Variants in ODAD3 observed in about 807,000 individuals in gnomAD.
The protein encoded by ODAD3 is outer dynein arm docking complex subunit 3.
In ODAD3, 57 loss-of-function variants were observed where a neutral mutation model predicts 70.9. That is an observed-to-expected ratio of 0.80 (90% CI 0.65 to 1.00). The LOEUF is 1.00. ODAD3 is among the 50% of genes least tolerant of loss of function. The pLI is 0.00. For missense variants in ODAD3, 797 were observed against 763.9 expected (o/e 1.04, Z -0.51); for synonymous variants, 327 against 315.9 (o/e 1.04, Z -0.37).
intron 12 of ODAD3, 88 bp downstream of exon 12, chr19:11,421,040 C>T: frequency 6.3e-7 from 1 of 1,582,034 alleles, no homozygotes; most frequent in Non-Finnish European, 8.7e-7. Context: ...TCCACCCCCA[C>T]CTTGGCCCTG....
intron 6 of ODAD3, 43 bp from the exon 7 acceptor site, chr19:11,426,309 C>T: frequency 6.2e-7 from 1 of 1,610,644 alleles, no homozygotes; most frequent in Non-Finnish European, 8.5e-7. Context: ...CTGGCACCTA[C>T]CACTGCCCGC....
At chr19:11,425,811 C>A (rs766280229) in intron 7 of ODAD3, among the ~76,000 whole-genome samples, 36 of 151,118 alleles carry the variant, frequency 2.4e-4, no homozygotes, top group Non-Finnish European at 4.3e-4. Context: ...GGGGCAGGGC[C>A]TTAGGCAACG....
chr19:11,420,661 G>A lies in ODAD3; in HGVS notation c.*174C>T, dbSNP rs945596088. On this transcript the variant is annotated 3_prime_UTR_variant, in exon 13 of 13. Transcript: ENST00000356392. ...AGGCCGGGGCGGACCCAGCTGGGGA[G>A]ATTTACTGTGGGAACGTCTGGCCCG... 56 of 611,090 alleles carry A rather than the reference G, an allele frequency of 9.2e-5. No individual in the cohort carries two copies. The Middle Eastern group carries it at 1.3e-3, about 14-fold the overall frequency. 37.9% of individuals were successfully genotyped at this position (611,090 alleles called of 1,614,324 possible). A position where few individuals can be genotyped will look rare whatever the true frequency, so the allele number is the denominator to read the frequency against.
chr19:11,433,058 T>G (rs891871628), intron 1 of ODAD3, among the ~76,000 whole-genome samples: 6 of 152,056 alleles, frequency 3.9e-5, no homozygotes, highest in African/African-American at 1.4e-4. Flanking sequence ...CCTCCCAAAG[T>G]GCTGGGATTA....
chr19:11,425,466 T>TACAC (rs1969327808), intron 7 of ODAD3, among the ~76,000 whole-genome samples: 14 of 120,024 alleles, frequency 1.2e-4, no homozygotes, highest in Admixed American at 1.7e-4. Context: ...TGTGTGTGTA[T>TACAC]ATATGTATAT....
chr19:11,420,888 A>C lies in ODAD3; in HGVS notation c.1735T>G (p.Ser579Ala), dbSNP rs1201342780. 1 of 1,613,192 alleles carries C rather than the reference A, an allele frequency of 6.2e-7. No individual in the cohort carries two copies. The change falls in exon 13 of 13, where the codon TCC (serine) becomes GCC (alanine). Residue 579 changes from serine (S) to alanine (A), a missense_variant. Coordinates refer to ENST00000356392, the MANE Select transcript of ODAD3 (RefSeq NM_145045.5). ...VVTRASLKIRSQKLIESHKKH... is the reference protein window; with the variant it reads ...VVTRASLKIRAQKLIESHKKH... Reference sequence around the variant, plus strand: ...TTGTGACTTTCGATTAATTTCTGGGAACGGATCTTGAGTGATGCGCGGGTC... The same window carrying C: ...TTGTGACTTTCGATTAATTTCTGGGCACGGATCTTGAGTGATGCGCGGGTC...
At chr19:11,430,330 G>A (rs2144779452) in intron 3 of ODAD3, among the ~76,000 whole-genome samples, 1 of 152,046 alleles carries the variant, frequency 6.6e-6, no homozygotes. Context: ...TAGAGACAGG[G>A]TTTCTCCATG....
intron 1 of ODAD3, among the ~76,000 whole-genome samples, chr19:11,433,591 T>C (rs1241229298): frequency 6.6e-6 from 1 of 152,196 alleles, no homozygotes; most frequent in East Asian, 1.9e-4. Context: ...GGACAACTAT[T>C]ATGCAGAGCC....
intron 7 of ODAD3, among the ~76,000 whole-genome samples, chr19:11,425,038 C>CATATGTGCATATATGTGT (rs1969260625): frequency 1.2e-5 from 1 of 85,858 alleles, no homozygotes; most frequent in South Asian, 3.8e-4. Context: ...TGCATATATA[C>CATATGTGCATATATGTGT]ATATGTGTAT....
rs932609952 is a variant in ODAD3, at chr19:11,426,461, G to A, written c.825C>T (p.Ala275=). Residue 275 remains alanine (A), a synonymous_variant, in exon 6 of 13, where the codon GCC becomes GCT. Transcript: ENST00000356392. The stretch of plus-strand genomic sequence containing the variant: ...GGGGTGGCACCTTGGCAATGTCCCG[G>A]GCATTGAGGGCCTCTTGGTTCACCA... ...LHVVNQEALN[A]RDIAKNQLQY... 3 of 1,614,014 alleles carry A rather than the reference G, an allele frequency of 1.9e-6. No homozygotes were observed. The highest frequency in any genetic ancestry group is 2.5e-6 in the Non-Finnish European group (3 of 1,179,956).
At position 11,425,415 on chromosome 19, in the gene ODAD3, A is replaced by ATGTG. The variant is rs1206986421; in HGVS notation, c.963+725_963+728dup. Among the ~76,000 whole-genome samples the ATGTG allele has an allele frequency of 2.1e-5, 3 of 143,924 alleles. 1 individual carries two copies. Among genetic ancestry groups the ATGTG allele is most frequent in the Non-Finnish European group, 4.5e-5 (3 of 66,618 alleles). The allele number at this position is 143,924 out of a possible 152,430, so 94.4% of individuals were successfully genotyped here. A position where few individuals can be genotyped will look rare whatever the true frequency, so the allele number is the denominator to read the frequency against. On this transcript the variant is annotated intron_variant, in intron 7 of 12. Transcript: ENST00000356392. The stretch of plus-strand genomic sequence containing the variant: ...TATGTGTATATGTATATATACATAT[A>ATGTG]TGTGTATATACACATATGTGTATAT...
Position 11,431,029 on chromosome 19 carries a change from C to A in ODAD3, c.245-9G>T. ...AGCCTTCCGGTCACCCTCTGGCAGG[C>A]AGGTGAGGTGGACAGACACACAGTT... is the stretch of plus-strand genomic sequence containing the variant. On this transcript the variant is annotated splice_polypyrimidine_tract_variant and intron_variant, in intron 1 of 12. Transcript: ENST00000356392. 6.2e-7 allele frequency: 1 copy of A among 1,614,032 alleles called. No individual in the cohort carries two copies. The highest frequency in any genetic ancestry group is 1.3e-5 in the African/African-American group (1 of 75,018).
chr19:11,432,505 C>A (rs1306906153), intron 1 of ODAD3, among the ~76,000 whole-genome samples: 1 of 152,160 alleles, frequency 6.6e-6, no homozygotes, highest in Non-Finnish European at 1.5e-5. Context: ...CTCAGCCTCC[C>A]AAAGTGCTGG....
chr19:11,422,543 G>C lies in ODAD3; in HGVS notation c.1362C>G (p.Arg454=). 6.3e-7 allele frequency: 1 copy of C among 1,591,310 alleles called. No homozygotes were observed. The change falls in exon 10 of 13, where the codon CGC becomes CGG. Residue 454 remains arginine, a synonymous_variant. Transcript: ENST00000356392. The surrounding 1 kb of genome is among the most constrained non-coding windows in gnomAD (Gnocchi z 4.6). ...RHAEAKDQLE[R]ALRAMQVAKD... ...TGGCCACTTGCATCGCCCGCAAGGC[G>C]CGCTCCAGCTGGTCCTTGGCCTCGG...
chr19:11,431,426 T>A (rs1969501830), intron 1 of ODAD3, among the ~76,000 whole-genome samples: 1 of 151,906 alleles, frequency 6.6e-6, no homozygotes, highest in South Asian at 2.1e-4. Context: ...AACTTAATAT[T>A]ATAAGAATGC....
Position 11,422,183 on chromosome 19 carries a change from C to T in ODAD3, c.1434+288G>A, listed in dbSNP as rs1444245926. Among the ~76,000 whole-genome samples the T allele has an allele frequency of 6.6e-6, 1 of 152,134 alleles. No individual in the cohort carries two copies. Among genetic ancestry groups the T allele is most frequent in the Non-Finnish European group, 1.5e-5 (1 of 68,004 alleles). ...ACTGCAGATAGGTCTCCGAGCTTTT[C>T]GGGGACAGGGTGGGACTTCTTTCCC... On this transcript the variant is annotated intron_variant, in intron 10 of 12. Transcript: ENST00000356392. This position sits in a 1 kb window ranked among gnomAD's most constrained non-coding sequence, Gnocchi z 4.6.
In ODAD3 at chr19:11,421,822, C is replaced by T. The variant is rs776911447; in HGVS notation, c.1445G>A (p.Arg482His). 6.2e-7 allele frequency: 1 copy of T among 1,612,146 alleles called. No individual in the cohort carries two copies. The highest frequency in any genetic ancestry group is 8.5e-7 in the Non-Finnish European group (1 of 1,179,484). Residue 482 changes from arginine to histidine, a missense_variant, in exon 11 of 13, where the codon CGC (arginine) becomes CAC (histidine). Arg to His is a conservative substitution (Grantham distance 29, BLOSUM62 0). Coordinates refer to ENST00000356392, the MANE Select transcript of ODAD3 (RefSeq NM_145045.5). ...KLIHITVEDG[R>H]FAGKELDPQA... ...GGGATCCAGCTCCTTTCCCGCGAAG[C>T]GGCCGTCCTCCTGCGGCCAGGGTAG... is the stretch of plus-strand genomic sequence containing the variant.
At chr19:11,428,137 T>C (rs917874003) in intron 3 of ODAD3, among the ~76,000 whole-genome samples, 2 of 151,838 alleles carry the variant, frequency 1.3e-5, no homozygotes, top group African/African-American at 2.4e-5. Flanking sequence ...GGTCTCGCTA[T>C]GTGGCTCAGG....
In ODAD3 at chr19:11,425,297, A is replaced by T. The variant is rs566274792; in HGVS notation, c.963+847T>A. On this transcript the variant is annotated intron_variant, in intron 7 of 12. Transcript: ENST00000356392. The stretch of plus-strand genomic sequence containing the variant: ...TGTGTGTATATGTACATATGTGTAT[A>T]TATGTGTATGTGTACATATGTGTAT... Among the ~76,000 whole-genome samples the T allele has an allele frequency of 2.2e-5, 3 of 136,044 alleles. No homozygotes were observed. In the South Asian group the frequency reaches 6.8e-4, roughly 31 times the overall value. 89.3% of individuals were successfully genotyped at this position (136,044 alleles called of 152,430 possible).
Sources: gnomAD v4.1 joint callset for allele counts (sites outside exome capture counted in the v4.1 genomes callset) on GRCh38, gnomAD v4.1.1 for gene constraint, Gnocchi (gnomAD v3.1) non-coding constraint, MANE v1.5 for transcripts, NCBI Gene and HGNC (gene_info 2026-07-23, HGNC 2026-07-21) for gene names.